ASCC3: variants seen among roughly 807,000 people sequenced by gnomAD.
ASCC3 encodes activating signal cointegrator 1 complex subunit 3, also known as ASC-1 complex subunit P200.
Under a neutral mutation model 256.3 loss-of-function variants are expected in ASCC3, and 158 were observed. The ratio of observed to expected loss-of-function variants is 0.62; its 90% CI spans 0.54 to 0.70. ASCC3 has a LOEUF of 0.70. ASCC3 is among the 30% of genes least tolerant of loss of function. ASCC3 has a pLI of 0.00. For missense variants in ASCC3, 2,259 were observed against 2,626.0 expected (o/e 0.86, Z 3.05); for synonymous variants, 948 against 883.4 (o/e 1.07, Z -1.30).
intron 13 of ASCC3, among the ~76,000 whole-genome samples, chr6:100,695,210 C>T (rs1185228854): frequency 6.6e-6 from 1 of 151,892 alleles, no homozygotes; most frequent in African/African-American, 2.4e-5. Context: ...AAGTCAAATC[C>T]AGAAAGACAA....
intron 37 of ASCC3, among the ~76,000 whole-genome samples, chr6:100,528,085 T>G (rs1246821932): frequency 6.6e-6 from 1 of 152,084 alleles, no homozygotes; most frequent in African/African-American, 2.4e-5. Context: ...GTGATCCTCC[T>G]GCCTCAGCTC....
At chr6:100,582,036 T>C (rs1423015363) in intron 36 of ASCC3, among the ~76,000 whole-genome samples, 1 of 152,118 alleles carries the variant, frequency 6.6e-6, no homozygotes, top group Non-Finnish European at 1.5e-5. Context: ...TCCAGCTTTG[T>C]TCTTTTGGCT....
chr6:100,843,794 C>T (rs573753350), intron 4 of ASCC3, among the ~76,000 whole-genome samples: 10 of 151,972 alleles, frequency 6.6e-5, no homozygotes, highest in South Asian at 2.1e-4. Context: ...ATTAAGACCT[C>T]GCTTTTAAAT....
Position 100,644,086 on chromosome 6 carries a change from T to A in ASCC3, c.3677A>T (p.Asp1226Val). 6.2e-7 allele frequency: 1 copy of A among 1,613,030 alleles called. No homozygotes were observed. Residue 1226 changes from aspartate (D) to valine (V), a missense_variant, in exon 23 of 42, where the codon GAT becomes GTT. By Grantham distance (152) the Asp-to-Val change is radical. This residue lies in a region of ASCC3 where 1,839 missense variants were observed against 2,206.7 expected (regional missense o/e 0.83). Transcript: ENST00000369162. Reference protein sequence around the residue: ...VGEPWWIWVEDPTNDHIYHSE... With the variant: ...VGEPWWIWVEVPTNDHIYHSE... ...ATGATAAATATGATCATTTGTAGGA[T>A]CTTCTACCCAAATCCACCAAGGTTC...
chr6:100,631,259 T>C (rs758501581), intron 25 of ASCC3, 46 bp from the exon 26 acceptor site: 2 of 1,440,932 alleles, frequency 1.4e-6, no homozygotes, highest in South Asian at 1.2e-5. Flanking sequence ...AAAATAGTGA[T>C]AGCATTTTGA....
intron 38 of ASCC3, among the ~76,000 whole-genome samples, chr6:100,517,654 T>C (rs1774099574): frequency 6.6e-6 from 1 of 152,200 alleles, no homozygotes; most frequent in Non-Finnish European, 1.5e-5. Flanking sequence ...TGATCATTTA[T>C]TTTGCTTTAG....
At chr6:100,562,730 T>C (rs1770022183) in intron 36 of ASCC3, among the ~76,000 whole-genome samples, 1 of 152,112 alleles carries the variant, frequency 6.6e-6, no homozygotes, top group Admixed American at 6.6e-5. Context: ...ACATACATTT[T>C]GACAGCACAC....
Position 100,508,936 on chromosome 6 carries a change from C to A in ASCC3, c.*450G>T, listed in dbSNP as rs1034757050. 7 of 171,180 alleles carry A rather than the reference C, an allele frequency of 4.1e-5. 1 individual carries two copies. In the East Asian group the frequency reaches 1.2e-3, roughly 28 times the overall value. The allele number at this position is 171,180 out of a possible 1,614,324, so 10.6% of individuals were successfully genotyped here. ...AAGTATAAATTTTGCTAACAAGACA[C>A]GCTGTGTACCACCTTACAGATTTAT... On this transcript the variant is annotated 3_prime_UTR_variant, in exon 42 of 42. Transcript: ENST00000369162.
intron 10 of ASCC3, among the ~76,000 whole-genome samples, chr6:100,755,637 TAC>T (rs551489914): frequency 6.6e-6 from 1 of 151,428 alleles, no homozygotes; most frequent in Non-Finnish European, 1.5e-5. Flanking sequence ...ATTGTTCTGC[TAC>T]ACACACACAC....
intron 36 of ASCC3, among the ~76,000 whole-genome samples, chr6:100,555,435 C>T (rs1006143682): frequency 1.3e-5 from 2 of 151,956 alleles, no homozygotes; most frequent in Admixed American, 6.6e-5. Context: ...AAGCATTTGT[C>T]AAAAATAAAT....
intron 39 of ASCC3, 57 bp from the exon 40 acceptor site, chr6:100,512,975 C>T: frequency 6.8e-7 from 1 of 1,477,106 alleles, no homozygotes; most frequent in Non-Finnish European, 9.3e-7. Context: ...ATGCAATGAT[C>T]AATTAAGAAA....
intron 1 of ASCC3, among the ~76,000 whole-genome samples, chr6:100,872,290 G>GA (rs1191681106): frequency 6.6e-6 from 1 of 152,090 alleles, no homozygotes; most frequent in African/African-American, 2.4e-5. Context: ...TTAAAAAGTA[G>GA]AAAGCAAGAC....
At chr6:100,649,185 T>C (rs920784997) in intron 20 of ASCC3, among the ~76,000 whole-genome samples, 1 of 151,792 alleles carries the variant, frequency 6.6e-6, no homozygotes, top group African/African-American at 2.4e-5. Flanking sequence ...ACTTCCTGGA[T>C]ACCAATCATG....
At chr6:100,682,463 C>T (rs12664950) in intron 13 of ASCC3, among the ~76,000 whole-genome samples, 4,301 of 152,214 alleles carry the variant, frequency 0.028, 177 homozygotes, top group East Asian at 0.19. Context: ...TAAAAACCTG[C>T]ACAATTTAAG....
chr6:100,555,042 T>A (rs1472284513), intron 36 of ASCC3, among the ~76,000 whole-genome samples: 2 of 151,972 alleles, frequency 1.3e-5, no homozygotes, highest in East Asian at 3.9e-4. Flanking sequence ...AAGACTATTA[T>A]AAATTGGATT....
At chr6:100,689,489 C>T (rs1379775137) in intron 13 of ASCC3, among the ~76,000 whole-genome samples, 1 of 152,178 alleles carries the variant, frequency 6.6e-6, no homozygotes, top group African/African-American at 2.4e-5. Flanking sequence ...TTGAATGCTG[C>T]CTGAGGGCAG....
At chr6:100,595,556 A>G (rs1371074059) in intron 34 of ASCC3, among the ~76,000 whole-genome samples, 1 of 152,210 alleles carries the variant, frequency 6.6e-6, no homozygotes, top group Non-Finnish European at 1.5e-5. Flanking sequence ...TCAAATAAAA[A>G]GGGTCATTTG....
chr6:100,662,725 G>A (rs1202489495), intron 14 of ASCC3, among the ~76,000 whole-genome samples, 189 bp from the exon 15 acceptor site: 1 of 151,840 alleles, frequency 6.6e-6, no homozygotes, highest in African/African-American at 2.4e-5. Flanking sequence ...TAAAAAATAG[G>A]TAATACCAAA....
chr6:100,690,325 T>C (rs565406705), intron 13 of ASCC3, among the ~76,000 whole-genome samples: 79 of 152,192 alleles, frequency 5.2e-4, no homozygotes, highest in Non-Finnish European at 5.7e-4. Context: ...ATATTTTCCA[T>C]GTGAAGTTGT....
Sources: allele counts gnomAD v4.1 joint callset (sites outside exome capture counted in the v4.1 genomes callset), GRCh38; gene constraint gnomAD v4.1.1; regional missense constraint gnomAD v4.1.1; transcripts MANE v1.5; gene names NCBI Gene and HGNC (gene_info 2026-07-23, HGNC 2026-07-21).